The following TSC22D1 variants were observed in gnomAD, a reference collection of about 807,000 sequenced individuals.
The protein encoded by TSC22D1 is TSC22 domain family member 1.
TSC22D1 carries 9 observed loss-of-function variants against 74.2 expected under a neutral mutation model. That is an observed-to-expected ratio of 0.12 (90% CI 0.07 to 0.21). The LOEUF (loss-of-function observed/expected upper bound fraction) is 0.21. Ranked by LOEUF, TSC22D1 falls within the 10% of genes least tolerant of loss-of-function variation. The pLI, the probability that TSC22D1 is intolerant of heterozygous loss-of-function variation, is 1.00. For missense variants in TSC22D1, 1,427 were observed against 1,304.7 expected (o/e 1.09, Z -1.44); for synonymous variants, 586 against 492.5 (o/e 1.19, Z -2.51).
rs10596156 is a variant in TSC22D1 at position 44,536,926 on chromosome 13, GAAAAAAAAAAAAA to G, written c.2912+36224_2912+36236del. ...TAACAGTTCAAAAAAGTATTTTTCT[GAAAAAAAAAAAAA>G]AAAAAAAAAAAAAAAAAAAACAAAA... On this transcript the variant is annotated intron_variant, in intron 1 of 2. Transcript: ENST00000458659. 3,200 of 494,640 alleles carry G rather than the reference GAAAAAAAAAAAAA, an allele frequency of 6.5e-3. 24 individuals are homozygous for G. The highest frequency in any genetic ancestry group is 9.6e-3 in the Middle Eastern group (8 of 830). 30.6% of individuals were successfully genotyped at this position (494,640 alleles called of 1,614,324 possible). A position where few individuals can be genotyped will look rare whatever the true frequency, so the allele number is the denominator to read the frequency against.
intron 1 of TSC22D1, among the ~76,000 whole-genome samples, chr13:44,570,115 G>T (rs1454737313): frequency 6.6e-6 from 1 of 151,600 alleles, no homozygotes; most frequent in Non-Finnish European, 1.5e-5. Flanking sequence ...AAACATAAAA[G>T]ATGCAATACC....
At chr13:44,571,607 T>G (rs576132525) in intron 1 of TSC22D1, among the ~76,000 whole-genome samples, 64 of 152,352 alleles carry the variant, frequency 4.2e-4, no homozygotes, top group African/African-American at 1.5e-3. Flanking sequence ...TTATAGAGGC[T>G]TCACTCAAAT....
chr13:44,434,264 T>C lies in TSC22D1; in HGVS notation c.*362A>G. 2 of 1,395,934 alleles carry C rather than the reference T, an allele frequency of 1.4e-6. No homozygotes were observed. The highest frequency in any genetic ancestry group is 1.8e-6 in the Non-Finnish European group (2 of 1,086,954). The allele number at this position is 1,395,934 out of a possible 1,614,324, so 86.5% of individuals were successfully genotyped here. A position where few individuals can be genotyped will look rare whatever the true frequency, so the allele number is the denominator to read the frequency against. On this transcript the variant is annotated 3_prime_UTR_variant, in exon 3 of 3. Transcript: ENST00000458659. ...CGCTTCACAACCCCATGTAGGACACTAAGCGCAAGCAGGAGAGAGAACCCT... is the reference window on the plus strand; with the variant it reads ...CGCTTCACAACCCCATGTAGGACACCAAGCGCAAGCAGGAGAGAGAACCCT...
chr13:44,568,377 T>G (rs1415176164), intron 1 of TSC22D1, among the ~76,000 whole-genome samples: 2 of 152,118 alleles, frequency 1.3e-5, no homozygotes, highest in Non-Finnish European at 2.9e-5. Context: ...TGATGAAAAG[T>G]GGATTTAGTG....
At chr13:44,554,516 CT>C (rs1238156545) in intron 1 of TSC22D1, among the ~76,000 whole-genome samples, 1 of 147,902 alleles carries the variant, frequency 6.8e-6, no homozygotes, top group African/African-American at 2.5e-5. Flanking sequence ...AAAACCATGT[CT>C]TTTTTTTTCT....
intron 1 of TSC22D1, among the ~76,000 whole-genome samples, chr13:44,503,353 C>T (rs1175245): frequency 0.5 from 76,083 of 151,664 alleles, 19,099 homozygotes; most frequent in East Asian, 0.63. Flanking sequence ...AAGAGAGAGA[C>T]AACATAGTTA....
At chr13:44,523,270 C>T (rs1880399747) in intron 1 of TSC22D1, among the ~76,000 whole-genome samples, 1 of 152,174 alleles carries the variant, frequency 6.6e-6, no homozygotes, top group Non-Finnish European at 1.5e-5. Context: ...AGGCTTACTA[C>T]ATGACTCAGC....
chr13:44,439,267 CT>C (rs1425114893), intron 1 of TSC22D1, among the ~76,000 whole-genome samples: 108 of 152,294 alleles, frequency 7.1e-4, no homozygotes, highest in Non-Finnish European at 5.3e-4. Context: ...TGTGTGCACA[CT>C]TCTGGAGAAT....
chr13:44,454,184 T>C (rs1876375390), intron 1 of TSC22D1, among the ~76,000 whole-genome samples: 1 of 152,148 alleles, frequency 6.6e-6, no homozygotes, highest in Non-Finnish European at 1.5e-5. Context: ...AACTTTGGCT[T>C]TAATACATTA....
At chr13:44,478,877 T>C (rs1269119251) in intron 1 of TSC22D1, among the ~76,000 whole-genome samples, 1 of 151,792 alleles carries the variant, frequency 6.6e-6, no homozygotes, top group Non-Finnish European at 1.5e-5. Flanking sequence ...GTCTGATATA[T>C]AAACAAACAC....
intron 1 of TSC22D1, among the ~76,000 whole-genome samples, chr13:44,560,360 T>A (rs1882958716): frequency 6.6e-6 from 1 of 152,226 alleles, no homozygotes; most frequent in Non-Finnish European, 1.5e-5. Context: ...TCATTAAATG[T>A]CTACAAAATA....
chr13:44,517,778 CACATATATAT>C (rs1225034647), intron 1 of TSC22D1, among the ~76,000 whole-genome samples: 1 of 113,764 alleles, frequency 8.8e-6, no homozygotes, highest in African/African-American at 3.3e-5. Flanking sequence ...TATATATATA[CACATATATAT>C]ACATATATAT....
In TSC22D1 at chr13:44,525,701, C is replaced by G. The variant is rs550876545; in HGVS notation, c.2912+47462G>C. On this transcript the variant is annotated intron_variant, in intron 1 of 2. Coordinates refer to ENST00000458659, the MANE Select transcript of TSC22D1 (RefSeq NM_183422.4). The stretch of plus-strand genomic sequence containing the variant: ...CTCTGACATCAACAGCAAATAAACA[C>G]AGATTAACCCCTAGCCAGATAAACA... Among the ~76,000 whole-genome samples, 6 of 151,200 alleles carry G rather than the reference C, an allele frequency of 4.0e-5. No individual in the cohort carries two copies. The South Asian group carries it at 1.3e-3, about 32-fold the overall frequency.
chr13:44,445,804 A>C (rs2138886838), intron 1 of TSC22D1, among the ~76,000 whole-genome samples: 1 of 152,312 alleles, frequency 6.6e-6, no homozygotes, highest in South Asian at 2.1e-4. Context: ...GAGAAATGCA[A>C]ATTAAAACCA....
chr13:44,576,012 C>T lies in TSC22D1; in HGVS notation c.63G>A (p.Lys21=), dbSNP rs759310348. The T allele has an allele frequency of 3.8e-6, 6 of 1,588,360 alleles. No homozygotes were observed. In the African/African-American group the frequency reaches 4.0e-5, roughly 11 times the overall value. ...AAAAADISAR[K]MAHPAMFPRR... is the part of the protein sequence containing the mutation. ...GAGGGAACATTGCCGGGTGCGCCAT[C>T]TTCCTAGCGCTAATGTCTGCAGCGG... The change falls in exon 1 of 3, where the codon AAG becomes AAA. Residue 21 remains lysine, a synonymous_variant. Coordinates refer to ENST00000458659, the MANE Select transcript of TSC22D1 (RefSeq NM_183422.4).
chr13:44,574,746 C>G lies in TSC22D1; in HGVS notation c.1329G>C (p.Leu443=). ...TTACAGTCTCCACCACTTTATTTAT[C>G]AGCACACCTTCTGTAGCAGGTACAG... ...ENAVPATEGV[L]INKVVETVKQ... is the part of the protein sequence containing the mutation. The change falls in exon 1 of 3, where the codon CTG becomes CTC. Residue 443 remains leucine (L), a synonymous_variant. Transcript: ENST00000458659. 1 of 1,614,112 alleles carries G rather than the reference C, an allele frequency of 6.2e-7. No homozygotes were observed. The highest frequency in any genetic ancestry group is 8.5e-7 in the Non-Finnish European group (1 of 1,180,032).
At chr13:44,551,349 C>T (rs1273244566) in intron 1 of TSC22D1, among the ~76,000 whole-genome samples, 1 of 125,788 alleles carries the variant, frequency 7.9e-6, no homozygotes, top group Non-Finnish European at 1.8e-5. Flanking sequence ...GTGACCCTGT[C>T]TCAAAAACTA....
chr13:44,556,946 C>T lies in TSC22D1; in HGVS notation c.2912+16217G>A, dbSNP rs1882686626. 2.7e-5 allele frequency among the ~76,000 whole-genome samples: 4 copies of T among 146,730 alleles called. No individual in the cohort carries two copies. The South Asian group carries it at 8.7e-4, about 32-fold the overall frequency. ...ATCACCTGAGGTCGGGAGTTCGAGA[C>T]CAGCTTGACCAACATGGAGAAACCC... On this transcript the variant is annotated intron_variant, in intron 1 of 2. Transcript: ENST00000458659.
At chr13:44,513,210 C>T (rs142231758) in intron 1 of TSC22D1, among the ~76,000 whole-genome samples, 40 of 152,272 alleles carry the variant, frequency 2.6e-4, no homozygotes, top group African/African-American at 8.9e-4. Context: ...TTGTCTTTAT[C>T]CTATTAAGTG....
Sources: allele counts gnomAD v4.1 joint callset (sites outside exome capture counted in the v4.1 genomes callset), GRCh38; gene constraint gnomAD v4.1.1; transcripts MANE v1.5; gene names NCBI Gene and HGNC (gene_info 2026-07-23, HGNC 2026-07-21).